Variants in GLG1 observed in about 807,000 individuals in gnomAD.
GLG1 encodes the protein Golgi apparatus protein 1.
GLG1 carries 38 observed loss-of-function variants against 160.5 expected under a neutral mutation model. The ratio of observed to expected loss-of-function variants is 0.24; its 90% CI spans 0.18 to 0.31. The LOEUF is 0.31. GLG1 is among the 10% of genes least tolerant of loss of function. The pLI is 1.00. For synonymous variants in GLG1, 644 were observed against 543.4 expected (o/e 1.19, Z -2.57); for missense variants, 1,373 against 1,505.2 (o/e 0.91, Z 1.45).
At chr16:74,457,853 A>G in intron 24 of GLG1, 21 bp downstream of exon 24, 2 of 1,612,526 alleles carry the variant, frequency 1.2e-6, no homozygotes, top group Non-Finnish European at 1.7e-6. Context: ...GACAGGATCA[A>G]GAGTGAACAC....
At chr16:74,596,398 G>A (rs138250005) in intron 1 of GLG1, among the ~76,000 whole-genome samples, 45 of 151,240 alleles carry the variant, frequency 3.0e-4, no homozygotes, top group East Asian at 7.9e-4. Flanking sequence ...AAGTGGTGGC[G>A]TGTGCCTGTA....
intron 1 of GLG1, among the ~76,000 whole-genome samples, chr16:74,545,860 C>A (rs1270974281): frequency 1.3e-5 from 2 of 152,158 alleles, no homozygotes; most frequent in African/African-American, 2.4e-5. Flanking sequence ...TCACATCAAA[C>A]TCATGTTGAT....
chr16:74,576,566 T>A (rs927519364), intron 1 of GLG1, among the ~76,000 whole-genome samples: 1 of 152,142 alleles, frequency 6.6e-6, no homozygotes, highest in African/African-American at 2.4e-5. Flanking sequence ...TAAAAACCAT[T>A]CTTAACTCCA....
chr16:74,498,481 T>TATATATATATATA (rs1403412006), intron 4 of GLG1, among the ~76,000 whole-genome samples: 2 of 115,282 alleles, frequency 1.7e-5, no homozygotes, highest in Non-Finnish European at 3.5e-5. Context: ...ATTTTATATA[T>TATATATATATATA]ATATTTTATA....
intron 23 of GLG1, among the ~76,000 whole-genome samples, chr16:74,459,122 G>A (rs900870491): frequency 1.3e-5 from 2 of 152,126 alleles, no homozygotes; most frequent in South Asian, 2.1e-4. Flanking sequence ...TTTAACAGAC[G>A]AAAAAATGTG....
chr16:74,469,783 G>T (rs1259176925), intron 16 of GLG1: 15 of 581,326 alleles, frequency 2.6e-5, no homozygotes, highest in Non-Finnish European at 3.1e-6. Flanking sequence ...TAGCCTATGG[G>T]ACCTCCATGT....
At chr16:74,524,726 C>G (rs1053752464) in intron 2 of GLG1, among the ~76,000 whole-genome samples, 1 of 152,158 alleles carries the variant, frequency 6.6e-6, no homozygotes, top group Non-Finnish European at 1.5e-5. Context: ...GCTGGTTATA[C>G]TACTCTGTTG....
intron 1 of GLG1, among the ~76,000 whole-genome samples, chr16:74,544,984 T>C (rs532261479): frequency 3.0e-4 from 45 of 151,600 alleles, no homozygotes; most frequent in African/African-American, 1.1e-3. Flanking sequence ...AAGAAAAAAA[T>C]ACAAAAGAAG....
At position 74,472,355 on chromosome 16, in the gene GLG1, G is replaced by A; in HGVS notation, c.2109C>T (p.Phe703=). 6.2e-7 allele frequency: 1 copy of A among 1,610,286 alleles called. No individual in the cohort carries two copies. Among genetic ancestry groups the A allele is most frequent in the South Asian group, 1.1e-5 (1 of 90,954 alleles). Reference sequence around the variant, plus strand: ...TCCTCCAGACATCACTTACGTGGCAGAAGTTCTGAATTATGGGCTCACAGG... The same window carrying A: ...TCCTCCAGACATCACTTACGTGGCAAAAGTTCTGAATTATGGGCTCACAGG... ...MRACEPIIQN[F]CHDVADNQID... Residue 703 remains phenylalanine (F), a synonymous_variant, in exon 14 of 26, where the codon TTC becomes TTT. Coordinates refer to ENST00000422840, the MANE Select transcript of GLG1 (RefSeq NM_001145667.2).
At chr16:74,484,862 C>G (rs1314919259) in intron 9 of GLG1, among the ~76,000 whole-genome samples, 2 of 152,142 alleles carry the variant, frequency 1.3e-5, no homozygotes, top group Non-Finnish European at 2.9e-5. Context: ...ACGTGATCCG[C>G]CAGCCTCAGC....
chr16:74,559,632 T>C (rs1482044485), intron 1 of GLG1, among the ~76,000 whole-genome samples: 1 of 152,188 alleles, frequency 6.6e-6, no homozygotes, highest in Non-Finnish European at 1.5e-5. Context: ...GGATCTCTTC[T>C]TCCCTTCTAA....
Position 74,463,353 on chromosome 16 carries a change from T to C in GLG1, c.2791+3A>G, listed in dbSNP as rs765201498. 20 of 1,613,960 alleles carry C rather than the reference T, an allele frequency of 1.2e-5. No homozygotes were observed. The South Asian group carries it at 1.4e-4, about 12-fold the overall frequency. The stretch of plus-strand genomic sequence containing the variant: ...GGCCAGGAGAGCCAAGCCAAGATCT[T>C]ACCTGTGTTCTGGGTGATCTGGCGC... On this transcript the variant is annotated splice_donor_region_variant and intron_variant, in intron 20 of 25. Coordinates refer to ENST00000422840, the MANE Select transcript of GLG1 (RefSeq NM_001145667.2).
intron 2 of GLG1, among the ~76,000 whole-genome samples, chr16:74,531,826 A>C (rs1159198706): frequency 1.3e-5 from 2 of 152,228 alleles, no homozygotes; most frequent in Non-Finnish European, 2.9e-5. Context: ...TAAATGAGAA[A>C]ACTTTAAAAC....
In GLG1 at chr16:74,543,966, G is replaced by GA. The variant is rs1397214406; in HGVS notation, c.439-11814dup. 3.9e-5 allele frequency among the ~76,000 whole-genome samples: 6 copies of GA among 152,262 alleles called. No individual in the cohort carries two copies. In the East Asian group the frequency reaches 1.2e-3, roughly 29 times the overall value. On this transcript the variant is annotated intron_variant, in intron 1 of 25. Coordinates refer to ENST00000422840, the MANE Select transcript of GLG1 (RefSeq NM_001145667.2). Reference sequence around the variant, plus strand: ...TGATTGCAAATCTAATATGATTCCAGAAAAACAGATGACTACCTTTCCAAG... The same window carrying GA: ...TGATTGCAAATCTAATATGATTCCAGAAAAAACAGATGACTACCTTTCCAAG...
At chr16:74,562,652 G>T (rs1214560293) in intron 1 of GLG1, among the ~76,000 whole-genome samples, 3 of 152,082 alleles carry the variant, frequency 2.0e-5, no homozygotes, top group African/African-American at 2.4e-5. Flanking sequence ...TAGAGATGGG[G>T]TTTCACCATG....
chr16:74,460,961 C>A (rs571369745), intron 22 of GLG1, among the ~76,000 whole-genome samples: 20 of 152,352 alleles, frequency 1.3e-4, no homozygotes, highest in African/African-American at 4.8e-4. Flanking sequence ...CGCACACATA[C>A]ACAGGAGTTG....
At position 74,485,710 on chromosome 16, in the gene GLG1, A is replaced by G. The variant is rs1294848126; in HGVS notation, c.1571+86T>C. The G allele has an allele frequency of 4.7e-6, 6 of 1,284,594 alleles. No homozygotes were observed. The East Asian group carries it at 1.4e-4, about 30-fold the overall frequency. 79.6% of individuals were successfully genotyped at this position (1,284,594 alleles called of 1,614,324 possible). A position where few individuals can be genotyped will look rare whatever the true frequency, so the allele number is the denominator to read the frequency against. ...CAAAATTTCAGTTAAGATGTCAACA[A>G]CCACCCAAAAGTCATTTGAAGGAAT... On this transcript the variant is annotated intron_variant, in intron 9 of 25. Transcript: ENST00000422840.
intron 17 of GLG1, chr16:74,468,648 T>A (rs911091293): frequency 2.9e-5 from 9 of 313,146 alleles, no homozygotes; most frequent in Non-Finnish European, 5.5e-5. Flanking sequence ...ATTACCTGCA[T>A]GAGCCACAGC....
intron 1 of GLG1, among the ~76,000 whole-genome samples, chr16:74,586,180 G>A (rs1034075576): frequency 6.6e-6 from 1 of 151,720 alleles, no homozygotes; most frequent in Non-Finnish European, 1.5e-5. Flanking sequence ...CAAAAACAAA[G>A]GCAAGGCCCT....
Sources: gnomAD v4.1 joint callset for allele counts (sites outside exome capture counted in the v4.1 genomes callset) on GRCh38, gnomAD v4.1.1 for gene constraint, MANE v1.5 for transcripts, NCBI Gene and HGNC (gene_info 2026-07-23, HGNC 2026-07-21) for gene names.